CACNB3: variants seen among roughly 807,000 people sequenced by gnomAD.
CACNB3 encodes calcium voltage-gated channel auxiliary subunit beta 3.
In CACNB3, 36 loss-of-function variants were observed where a neutral mutation model predicts 63.7. That is an observed-to-expected ratio of 0.57 (90% CI 0.43 to 0.75). The LOEUF is 0.75. CACNB3 is among the 30% of genes least tolerant of loss of function. CACNB3 has a pLI of 0.00. For missense variants in CACNB3, 493 were observed against 648.6 expected, an observed-to-expected ratio of 0.76 and a Z score of 2.61; for synonymous variants, 241 against 250.6, an observed-to-expected ratio of 0.96 and a Z score of 0.36.
At position 48,828,912 on chromosome 12, in the gene CACNB3, T is replaced by C. The variant is rs921023643; in HGVS notation, c.*1013T>C. On this transcript the variant is annotated 3_prime_UTR_variant, in exon 13 of 13. Coordinates refer to ENST00000301050, the MANE Select transcript of CACNB3 (RefSeq NM_000725.4). ...TCCACAAGCCCCTGCCTCACCTCAC[T>C]GTCATCACTAATAAACATCATGCAC... 60 of 373,080 alleles carry C rather than the reference T, an allele frequency of 1.6e-4. No homozygotes were observed. The highest frequency in any genetic ancestry group is 7.7e-4 in the South Asian group (39 of 50,508). The allele number at this position is 373,080 out of a possible 1,614,324, so 23.1% of individuals were successfully genotyped here. A position where few individuals can be genotyped will look rare whatever the true frequency, so the allele number is the denominator to read the frequency against.
chr12:48,818,841 A>G lies in CACNB3; in HGVS notation c.-89A>G. On this transcript the variant is annotated 5_prime_UTR_variant, in exon 1 of 13. Transcript: ENST00000301050. The surrounding 1 kb of genome is among the most constrained non-coding windows in gnomAD (Gnocchi z 4.3). ...CCGCAGGGCTGCGGGGCTCGGTGGC[A>G]TCTCCCGGGCGCGGCCCGCAGTCCT... The G allele has an allele frequency of 7.0e-7, 1 of 1,420,572 alleles. No homozygotes were observed. Among genetic ancestry groups the G allele is most frequent in the Non-Finnish European group, 9.2e-7 (1 of 1,089,164 alleles). The allele number at this position is 1,420,572 out of a possible 1,614,324, so 88.0% of individuals were successfully genotyped here. A position where few individuals can be genotyped will look rare whatever the true frequency, so the allele number is the denominator to read the frequency against.
In CACNB3 at chr12:48,818,923, C is replaced by G. The variant is rs768549894; in HGVS notation, c.-7C>G. 5.7e-6 allele frequency: 9 copies of G among 1,585,128 alleles called. No individual in the cohort carries two copies. In the African/African-American group the frequency reaches 1.2e-4, roughly 21 times the overall value. On this transcript the variant is annotated 5_prime_UTR_variant, in exon 1 of 13. Coordinates refer to ENST00000301050, the MANE Select transcript of CACNB3 (RefSeq NM_000725.4). The surrounding 1 kb of genome is among the most constrained non-coding windows in gnomAD (Gnocchi z 4.3). ...GCGCCGCTCGCTCCCCCGACCCGGA[C>G]TCCCCCATGTATGACGACTCCTACG...
chr12:48,827,203 G>C (rs988485096), intron 12 of CACNB3, 80 bp downstream of exon 12: 73 of 1,525,926 alleles, frequency 4.8e-5, no homozygotes, highest in Non-Finnish European at 5.6e-5. Flanking sequence ...GACTGTCCTT[G>C]GCCTCCAGTT....
chr12:48,815,008 T>C, upstream of CACNB3: 1 of 165,116 alleles, frequency 6.1e-6, no homozygotes. Flanking sequence ...CTGGGCTCTC[T>C]CCACAGGGAT....
upstream of CACNB3, chr12:48,814,977 G>C (rs775996472): frequency 7.4e-5 from 13 of 175,430 alleles, no homozygotes; most frequent in South Asian, 5.2e-4. This position sits in a 1 kb window ranked among gnomAD's most constrained non-coding sequence, Gnocchi z 6.9. Context: ...CAGAGACTCC[G>C]CGGGCGCGGG....
rs951269984 is a variant in CACNB3, at chr12:48,828,409, G to C, written c.*510G>C. The C allele has an allele frequency of 2.3e-4, 77 of 329,522 alleles. No individual in the cohort carries two copies. The highest frequency in any genetic ancestry group is 1.1e-3 in the Middle Eastern group (1 of 882). 20.4% of individuals were successfully genotyped at this position (329,522 alleles called of 1,614,324 possible). On this transcript the variant is annotated 3_prime_UTR_variant, in exon 13 of 13. Transcript: ENST00000301050. ...ATACATTAGAAATGAGACAATCAAAGCCCCCCCAGGGTGGCACACCCATCT... is the reference window on the plus strand; with the variant it reads ...ATACATTAGAAATGAGACAATCAAACCCCCCCCAGGGTGGCACACCCATCT...
intron 1 of CACNB3, among the ~76,000 whole-genome samples, chr12:48,819,466 A>G (rs1359853508): frequency 2.0e-5 from 3 of 152,162 alleles, no homozygotes; most frequent in Non-Finnish European, 4.4e-5. Context: ...ACCTCTTCAG[A>G]CAGACGGATC....
chr12:48,822,959 A>G (rs182121742), intron 1 of CACNB3, among the ~76,000 whole-genome samples: 62 of 152,260 alleles, frequency 4.1e-4, no homozygotes, highest in Middle Eastern at 3.4e-3. Context: ...GGCTGCTATG[A>G]ACAAGAGGGC....
Position 48,827,661 on chromosome 12 carries a change from C to T in CACNB3, c.1217C>T (p.Ala406Val). 6.2e-7 allele frequency: 1 copy of T among 1,613,780 alleles called. No homozygotes were observed. The highest frequency in any genetic ancestry group is 8.5e-7 in the Non-Finnish European group (1 of 1,179,980). ...ERDSLMPSDE[A>V]SESSRQAWTG... ...GACAGCTTGATGCCCTCTGATGAGG[C>T]CAGCGAGAGCTCCCGCCAAGCCTGG... The change falls in exon 13 of 13, where the codon GCC becomes GTC. Residue 406 changes from alanine (A) to valine (V), a missense_variant. Ala to Val is a moderately conservative substitution (Grantham distance 64, BLOSUM62 0). Coordinates refer to ENST00000301050, the MANE Select transcript of CACNB3 (RefSeq NM_000725.4).
At position 48,824,290 on chromosome 12, in the gene CACNB3, A is replaced by G; in HGVS notation, c.324A>G (p.Leu108=). 6.2e-7 allele frequency: 1 copy of G among 1,613,288 alleles called. No individual in the cohort carries two copies. The highest frequency in any genetic ancestry group is 8.5e-7 in the Non-Finnish European group (1 of 1,179,820). ...KYSNDWWIGR[L]VKEGGDIAFI... is the part of the protein sequence containing the mutation. ...GCAATGACTGGTGGATCGGGCGGCT[A>G]GTGAAAGAGGGCGGGGACATCGCCT... is the stretch of plus-strand genomic sequence containing the variant. Residue 108 remains leucine, a synonymous_variant, in exon 4 of 13, where the codon CTA becomes CTG. Transcript: ENST00000301050.
chr12:48,819,866 G>GC (rs1937758071), intron 1 of CACNB3: 2 of 329,710 alleles, frequency 6.1e-6, no homozygotes, highest in Admixed American at 4.0e-5. Context: ...AGCAGGGAGA[G>GC]TGCCTGGAAA....
chr12:48,823,767 C>T lies in CACNB3; in HGVS notation c.255C>T (p.Val85=). 6.2e-7 allele frequency: 1 copy of T among 1,614,108 alleles called. No homozygotes were observed. The highest frequency in any genetic ancestry group is 8.5e-7 in the Non-Finnish European group (1 of 1,180,000). ...AGTGCCCAGTCCAGGGCTCTGGAGTCAACTTTGAGGCCAAAGATTTTCTGC... is the reference window on the plus strand; with the variant it reads ...AGTGCCCAGTCCAGGGCTCTGGAGTTAACTTTGAGGCCAAAGATTTTCTGC... ...DEECPVQGSG[V]NFEAKDFLHI... is the part of the protein sequence containing the mutation. The change falls in exon 3 of 13, where the codon GTC becomes GTT. Residue 85 remains valine, a synonymous_variant. Coordinates refer to ENST00000301050, the MANE Select transcript of CACNB3 (RefSeq NM_000725.4). The surrounding 1 kb of genome is among the most constrained non-coding windows in gnomAD (Gnocchi z 4.2).
intron 5 of CACNB3, 88 bp downstream of exon 5, chr12:48,824,821 G>GA (rs1565668276): frequency 6.5e-7 from 1 of 1,541,990 alleles, no homozygotes; most frequent in East Asian, 2.3e-5. Context: ...AACTGTGTGG[G>GA]AAGGGTTTGT....
chr12:48,816,595 C>T (rs1461734034), upstream of CACNB3, among the ~76,000 whole-genome samples: 1 of 152,256 alleles, frequency 6.6e-6, no homozygotes, highest in Non-Finnish European at 1.5e-5. Flanking sequence ...TCTGAAGCTA[C>T]TGCAGGACCC....
chr12:48,828,154 T>G lies in CACNB3; in HGVS notation c.*255T>G. ...CTGTGTGTTCTGCACCCCTGGCACC[T>G]TCCTCTCCTCCCACACAGGAAGCTG... On this transcript the variant is annotated 3_prime_UTR_variant, in exon 13 of 13. Coordinates refer to ENST00000301050, the MANE Select transcript of CACNB3 (RefSeq NM_000725.4). 7.4e-6 allele frequency: 4 copies of G among 539,594 alleles called. No homozygotes were observed. The highest frequency in any genetic ancestry group is 1.3e-5 in the Non-Finnish European group (4 of 298,392). The allele number at this position is 539,594 out of a possible 1,614,324, so 33.4% of individuals were successfully genotyped here.
In CACNB3 at chr12:48,827,680, A is replaced by G; in HGVS notation, c.1236A>G (p.Gln412=). The G allele has an allele frequency of 6.2e-7, 1 of 1,614,006 alleles. No individual in the cohort carries two copies. Among genetic ancestry groups the G allele is most frequent in the South Asian group, 1.1e-5 (1 of 91,084 alleles). Residue 412 remains glutamine (Q), a synonymous_variant, in exon 13 of 13, where the codon CAA becomes CAG. Transcript: ENST00000301050. ...ATGAGGCCAGCGAGAGCTCCCGCCA[A>G]GCCTGGACAGGATCTTCACAGCGTA... is the stretch of plus-strand genomic sequence containing the variant. ...PSDEASESSR[Q]AWTGSSQRSS... is the part of the protein sequence containing the mutation.
chr12:48,825,149 T>G lies in CACNB3; in HGVS notation c.493-14T>G, dbSNP rs1271185370. 1.2e-6 allele frequency: 2 copies of G among 1,613,822 alleles called. No homozygotes were observed. The highest frequency in any genetic ancestry group is 2.2e-5 in the East Asian group (1 of 44,840). ...AGGGCCATGGTTTCTACTGACCTCA[T>G]GTCCATTCTGCAGGCGGAACATGTT... On this transcript the variant is annotated splice_polypyrimidine_tract_variant and intron_variant, in intron 6 of 12. Transcript: ENST00000301050. The surrounding 1 kb of genome is among the most constrained non-coding windows in gnomAD (Gnocchi z 4.5).
intron 1 of CACNB3, among the ~76,000 whole-genome samples, chr12:48,821,916 A>G (rs1182306937): frequency 6.6e-6 from 1 of 152,194 alleles, no homozygotes; most frequent in Non-Finnish European, 1.5e-5. Context: ...TCTTTAGCCT[A>G]AGGCTCGAGA....
upstream of CACNB3, chr12:48,815,572 G>A: frequency 6.6e-7 from 1 of 1,521,048 alleles, no homozygotes; most frequent in Non-Finnish European, 8.8e-7. Context: ...AGCCCGGCGG[G>A]CGTGGGGCGA....
Sources: allele counts gnomAD v4.1 joint callset (sites outside exome capture counted in the v4.1 genomes callset), GRCh38; gene constraint gnomAD v4.1.1; non-coding constraint Gnocchi (gnomAD v3.1); transcripts MANE v1.5; gene names NCBI Gene and HGNC (gene_info 2026-07-23, HGNC 2026-07-21).